ZFP3: variants seen among roughly 807,000 people sequenced by gnomAD.
ZFP3 encodes ZFP3 zinc finger protein, also known as zinc finger protein 3 homolog.
A neutral mutation model predicts 36.7 loss-of-function variants in ZFP3; 18 were observed. That is an observed-to-expected ratio of 0.49 (90% CI 0.34 to 0.73). The LOEUF (loss-of-function observed/expected upper bound fraction) is 0.73. Among genes scored for constraint, ZFP3 ranks in the 30% least tolerant of loss-of-function variants. The pLI is 0.01. For synonymous variants in ZFP3, 218 were observed against 199.0 expected (o/e 1.10, Z -0.81); for missense variants, 495 against 599.0 (o/e 0.83, Z 1.81).
intron 1 of ZFP3, among the ~76,000 whole-genome samples, chr17:5,086,100 G>T (rs1187684963): frequency 6.6e-6 from 1 of 152,184 alleles, no homozygotes; most frequent in East Asian, 1.9e-4. Flanking sequence ...GTTTTTAGGT[G>T]CCCTCTCTTA....
In ZFP3 at chr17:5,095,325, T is replaced by C. The variant is rs775327481; in HGVS notation, c.*2312T>C. On this transcript the variant is annotated 3_prime_UTR_variant, in exon 2 of 2. Coordinates refer to ENST00000318833, the MANE Select transcript of ZFP3 (RefSeq NM_153018.3). ...CTCTTAGTAAGGGAAGTTGTTTGAT[T>C]TACTTCTTCCCTTAGGTTGATTACA... is the stretch of plus-strand genomic sequence containing the variant. 4.2e-5 allele frequency: 7 copies of C among 167,072 alleles called. No individual in the cohort carries two copies. The highest frequency in any genetic ancestry group is 1.0e-4 in the Non-Finnish European group (7 of 68,132). 10.3% of individuals were successfully genotyped at this position (167,072 alleles called of 1,614,324 possible). A position where few individuals can be genotyped will look rare whatever the true frequency, so the allele number is the denominator to read the frequency against.
At chr17:5,085,217 G>GT (rs1042032134) in intron 1 of ZFP3, among the ~76,000 whole-genome samples, 7 of 151,424 alleles carry the variant, frequency 4.6e-5, no homozygotes, top group Non-Finnish European at 5.9e-5. Flanking sequence ...TTTTTTGTGT[G>GT]TTTTTTTTAG....
intron 1 of ZFP3, among the ~76,000 whole-genome samples, chr17:5,086,724 C>CT (rs5819008): frequency 0.032 from 3,536 of 110,636 alleles, 132 homozygotes; most frequent in African/African-American, 0.04. Flanking sequence ...CATTTTCTTT[C>CT]TTTTTTTTTT....
At chr17:5,080,341 CAAGA>C (rs2072087058) in intron 1 of ZFP3, among the ~76,000 whole-genome samples, 1 of 152,134 alleles carries the variant, frequency 6.6e-6, no homozygotes, top group African/African-American at 2.4e-5. Flanking sequence ...CAGTGCCTTG[CAAGA>C]ATTAGGGCAT....
Position 5,094,146 on chromosome 17 carries a change from G to A in ZFP3, c.*1133G>A, listed in dbSNP as rs1305843098. ...TTCTCATGACCTGGACCGCACTGGA[G>A]GCCCTGGCTAAGTCAGGATGTCGTA... On this transcript the variant is annotated 3_prime_UTR_variant, in exon 2 of 2. Transcript: ENST00000318833. The A allele has an allele frequency of 6.0e-6, 1 of 167,124 alleles. No individual in the cohort carries two copies. Among genetic ancestry groups the A allele is most frequent in the African/African-American group, 2.4e-5 (1 of 41,462 alleles). The allele number at this position is 167,124 out of a possible 1,614,324, so 10.4% of individuals were successfully genotyped here.
At chr17:5,081,200 TCTC>T (rs1167277347) in intron 1 of ZFP3, among the ~76,000 whole-genome samples, 2 of 151,864 alleles carry the variant, frequency 1.3e-5, no homozygotes, top group African/African-American at 2.4e-5. Flanking sequence ...TTCACACCAT[TCTC>T]CTGCCTCAGC....
intron 1 of ZFP3, among the ~76,000 whole-genome samples, chr17:5,082,015 C>G (rs1191551404): frequency 6.7e-6 from 1 of 148,522 alleles, no homozygotes; most frequent in Admixed American, 6.7e-5. Flanking sequence ...AGTTTGAGAC[C>G]AGCCTGGCCA....
intron 1 of ZFP3, among the ~76,000 whole-genome samples, chr17:5,082,716 A>T (rs888270559): frequency 4.6e-5 from 7 of 152,190 alleles, no homozygotes; most frequent in Middle Eastern, 6.8e-3. Flanking sequence ...ATTTTTCTAG[A>T]GACAGGTTTC....
At chr17:5,082,567 AC>A (rs969556945) in intron 1 of ZFP3, among the ~76,000 whole-genome samples, 2 of 152,062 alleles carry the variant, frequency 1.3e-5, no homozygotes, top group African/African-American at 4.8e-5. Flanking sequence ...TTATTCTGTC[AC>A]CCAGGCTGGA....
Position 5,092,260 on chromosome 17 carries a change from A to G in ZFP3, c.756A>G (p.Pro252=), listed in dbSNP as rs1168415069. The change falls in exon 2 of 2, where the codon CCA becomes CCG. Residue 252 remains proline, a synonymous_variant. Coordinates refer to ENST00000318833, the MANE Select transcript of ZFP3 (RefSeq NM_153018.3). The surrounding 1 kb of genome is among the most constrained non-coding windows in gnomAD (Gnocchi z 5.0). ...LHQRIHTGEK[P]YECNECGKTF... ...AGAGAATCCATACTGGAGAGAAACC[A>G]TATGAATGTAATGAATGTGGGAAGA... 1 of 1,613,992 alleles carries G rather than the reference A, an allele frequency of 6.2e-7. No homozygotes were observed. Among genetic ancestry groups the G allele is most frequent in the South Asian group, 1.1e-5 (1 of 91,076 alleles).
Position 5,081,624 on chromosome 17 carries a change from C to T in ZFP3, c.-9+3049C>T, listed in dbSNP as rs191574967. On this transcript the variant is annotated intron_variant, in intron 1 of 1. Transcript: ENST00000318833. The stretch of plus-strand genomic sequence containing the variant: ...TTTTATTTTATTTTATTTTTTGAGA[C>T]GGAGTCTCGCTCTATCACCCAGGCT... 1.5e-4 allele frequency among the ~76,000 whole-genome samples: 21 copies of T among 140,062 alleles called. No individual in the cohort carries two copies. In the East Asian group the frequency reaches 1.9e-3, roughly 13 times the overall value. 91.9% of individuals were successfully genotyped at this position (140,062 alleles called of 152,430 possible).
At position 5,081,312 on chromosome 17, in the gene ZFP3, G is replaced by C. The variant is rs147522812; in HGVS notation, c.-9+2737G>C. Among the ~76,000 whole-genome samples, 515 of 152,010 alleles carry C rather than the reference G, an allele frequency of 3.4e-3. 2 individuals are homozygous for C. Among genetic ancestry groups the C allele is most frequent in the African/African-American group, 0.012 (496 of 41,508 alleles). ...TTTCACCGTGTTAGCCGTGATGTCT[G>C]TTTCTTTTCTTACTCCTCCTGTACT... is the stretch of plus-strand genomic sequence containing the variant. On this transcript the variant is annotated intron_variant, in intron 1 of 1. Coordinates refer to ENST00000318833, the MANE Select transcript of ZFP3 (RefSeq NM_153018.3).
rs139263688 is a variant in ZFP3, at chr17:5,091,957, T to C, written c.453T>C (p.Asn151=). Residue 151 remains asparagine, a synonymous_variant, in exon 2 of 2, where the codon AAT becomes AAC. Coordinates refer to ENST00000318833, the MANE Select transcript of ZFP3 (RefSeq NM_153018.3). The stretch of plus-strand genomic sequence containing the variant: ...GTAAAGAATGTGGGAAAGCCTTTAA[T>C]CAGAACTCACATCTCATCCAGCATA... The part of the protein sequence containing the change: ...HTCKECGKAF[N]QNSHLIQHMR... 7.9e-5 allele frequency: 127 copies of C among 1,614,108 alleles called. 1 individual carries two copies. In the South Asian group the frequency reaches 1.3e-3, roughly 16 times the overall value.
intron 1 of ZFP3, among the ~76,000 whole-genome samples, chr17:5,085,197 G>A (rs2072114430): frequency 6.6e-6 from 1 of 151,910 alleles, no homozygotes; most frequent in African/African-American, 2.4e-5. Flanking sequence ...ACACCACCAT[G>A]CCTGGCTAAT....
intron 1 of ZFP3, among the ~76,000 whole-genome samples, chr17:5,087,362 G>C (rs1338046634): frequency 6.6e-6 from 1 of 152,170 alleles, no homozygotes; most frequent in Non-Finnish European, 1.5e-5. Context: ...AAAGGCGTGA[G>C]CCACCGTTCC....
chr17:5,086,713 A>G (rs1251261613), intron 1 of ZFP3, among the ~76,000 whole-genome samples: 1 of 144,270 alleles, frequency 6.9e-6, no homozygotes, highest in Non-Finnish European at 1.5e-5. Context: ...GTCTCAGTAC[A>G]CATTTTCTTT....
rs754610722 is a variant in ZFP3 at position 5,091,676 on chromosome 17, G to T, written c.172G>T (p.Val58Phe). The change falls in exon 2 of 2, where the codon GTT (valine) becomes TTT (phenylalanine). Residue 58 changes from valine (V) to phenylalanine (F), a missense_variant. Physicochemically the swap from Val to Phe is conservative, Grantham distance 50. Transcript: ENST00000318833. ...EGHSRESMEE[V>F]IEQMSPQERD... ...ACATTCGAGAGAGTCCATGGAAGAG[G>T]TTATAGAGCAGATGTCTCCTCAGGA... is the stretch of plus-strand genomic sequence containing the variant. The T allele has an allele frequency of 6.2e-7, 1 of 1,614,220 alleles. No individual in the cohort carries two copies. Among genetic ancestry groups the T allele is most frequent in the East Asian group, 2.2e-5 (1 of 44,884 alleles).
At chr17:5,089,431 T>C (rs992610993) in intron 1 of ZFP3, among the ~76,000 whole-genome samples, 1 of 152,208 alleles carries the variant, frequency 6.6e-6, no homozygotes, top group Non-Finnish European at 1.5e-5. Context: ...TGTGGTTTCA[T>C]TTGCATCTCA....
At position 5,093,564 on chromosome 17, in the gene ZFP3, AC is replaced by A. The variant is rs2072162699; in HGVS notation, c.*556del. The A allele has an allele frequency of 6.0e-6, 1 of 166,996 alleles. No individual in the cohort carries two copies. The highest frequency in any genetic ancestry group is 2.4e-5 in the African/African-American group (1 of 41,396). 10.3% of individuals were successfully genotyped at this position (166,996 alleles called of 1,614,324 possible). ...AATGAGAGTTGACTCATTGACTGTT[AC>A]CCCCTGAAATATTAGAAAGTCATAA... is the stretch of plus-strand genomic sequence containing the variant. On this transcript the variant is annotated 3_prime_UTR_variant, in exon 2 of 2. Coordinates refer to ENST00000318833, the MANE Select transcript of ZFP3 (RefSeq NM_153018.3).
Sources: gnomAD v4.1 joint callset for allele counts (sites outside exome capture counted in the v4.1 genomes callset) on GRCh38, gnomAD v4.1.1 for gene constraint, Gnocchi (gnomAD v3.1) non-coding constraint, MANE v1.5 for transcripts, NCBI Gene and HGNC (gene_info 2026-07-23, HGNC 2026-07-21) for gene names.